Variants in PTPRO observed in about 807,000 individuals in gnomAD.
PTPRO encodes receptor-type tyrosine-protein phosphatase O.
A neutral mutation model predicts 145.2 loss-of-function variants in PTPRO; 62 were observed. The observed-to-expected ratio is 0.43, with a 90% confidence interval of 0.35 to 0.53. PTPRO has a LOEUF of 0.53. Among genes scored for constraint, PTPRO ranks in the 20% least tolerant of loss-of-function variants. The pLI is 0.01. For synonymous variants in PTPRO, 565 were observed against 514.7 expected, an observed-to-expected ratio of 1.10 and a Z score of -1.32; for missense variants, 1,345 against 1,482.7, an observed-to-expected ratio of 0.91 and a Z score of 1.53.
chr12:15,349,592 TGTTA>T (rs1937723385), intron 1 of PTPRO, among the ~76,000 whole-genome samples: 1 of 152,230 alleles, frequency 6.6e-6, no homozygotes, highest in African/African-American at 2.4e-5. Flanking sequence ...ATTTAGTCTC[TGTTA>T]GTTAGCTCTG....
At chr12:15,562,908 T>C (rs1276868101) in intron 17 of PTPRO, among the ~76,000 whole-genome samples, 1 of 152,126 alleles carries the variant, frequency 6.6e-6, no homozygotes, top group African/African-American at 2.4e-5. Context: ...AATGATATAA[T>C]ATACTAAAGT....
chr12:15,341,124 TTTC>T (rs1445177678), intron 1 of PTPRO, among the ~76,000 whole-genome samples: 4 of 152,230 alleles, frequency 2.6e-5, no homozygotes, highest in African/African-American at 7.2e-5. Flanking sequence ...TTGTTTTTCT[TTTC>T]TTTTTATTTA....
intron 7 of PTPRO, among the ~76,000 whole-genome samples, chr12:15,510,777 A>G (rs984086086): frequency 1.3e-5 from 2 of 152,134 alleles, no homozygotes; most frequent in African/African-American, 4.8e-5. Flanking sequence ...AATGTGTAGA[A>G]AAGCACCAAT....
At chr12:15,381,795 C>A (rs1435025373) in intron 1 of PTPRO, among the ~76,000 whole-genome samples, 1 of 152,054 alleles carries the variant, frequency 6.6e-6, no homozygotes, top group African/African-American at 2.4e-5. Context: ...GTGGAAAAGA[C>A]CTCTCAAGCA....
intron 1 of PTPRO, among the ~76,000 whole-genome samples, chr12:15,432,467 T>C (rs1940469516): frequency 6.6e-6 from 1 of 152,242 alleles, no homozygotes; most frequent in African/African-American, 2.4e-5. Context: ...TGAATATATA[T>C]GTGCATGTGT....
In PTPRO at chr12:15,499,472, A is replaced by G. The variant is rs763547467; in HGVS notation, c.539A>G (p.His180Arg). ...DFFKGKTVFN[H>R]WLPGMCYSNI... ...TTTAAGGGAAAAACAGTATTTAATCACTGGCTGCCAGGAATGTGTTATAGT... is the reference window on the plus strand; with the variant it reads ...TTTAAGGGAAAAACAGTATTTAATCGCTGGCTGCCAGGAATGTGTTATAGT... The change falls in exon 4 of 27, where the codon CAC becomes CGC. Residue 180 changes from histidine (H) to arginine (R), a missense_variant. Coordinates refer to ENST00000281171, the MANE Select transcript of PTPRO (RefSeq NM_030667.3). The G allele has an allele frequency of 1.9e-6, 3 of 1,613,590 alleles. No homozygotes were observed. The highest frequency in any genetic ancestry group is 1.7e-6 in the Non-Finnish European group (2 of 1,179,610).
intron 1 of PTPRO, among the ~76,000 whole-genome samples, chr12:15,430,024 G>A (rs1419424893): frequency 6.6e-6 from 1 of 151,886 alleles, no homozygotes; most frequent in Non-Finnish European, 1.5e-5. Context: ...GTTGATTTTT[G>A]GTTTGATTTA....
chr12:15,474,298 G>T (rs957229995), intron 1 of PTPRO, among the ~76,000 whole-genome samples: 1 of 152,128 alleles, frequency 6.6e-6, no homozygotes, highest in African/African-American at 2.4e-5. Context: ...CTCGTCCTGT[G>T]TTATTCTCCT....
At chr12:15,379,445 G>T (rs1036336461) in intron 1 of PTPRO, among the ~76,000 whole-genome samples, 1 of 150,202 alleles carries the variant, frequency 6.7e-6, no homozygotes, top group Non-Finnish European at 1.5e-5. Context: ...GCAGGAGAAC[G>T]GCTTGAACAC....
intron 1 of PTPRO, among the ~76,000 whole-genome samples, chr12:15,409,484 C>A (rs1265588185): frequency 2.0e-5 from 3 of 152,150 alleles, no homozygotes; most frequent in African/African-American, 7.2e-5. Flanking sequence ...ACGTATTCTT[C>A]CATCGTCTTA....
chr12:15,462,441 G>A (rs567346491), intron 1 of PTPRO, among the ~76,000 whole-genome samples: 5 of 152,192 alleles, frequency 3.3e-5, no homozygotes, highest in African/African-American at 7.2e-5. Context: ...CATCTTTTAA[G>A]TGTCATCTTC....
At chr12:15,378,773 A>G (rs1266412578) in intron 1 of PTPRO, among the ~76,000 whole-genome samples, 1 of 152,200 alleles carries the variant, frequency 6.6e-6, no homozygotes, top group Non-Finnish European at 1.5e-5. Context: ...AGAAGGGGAG[A>G]AAATATGCAC....
At chr12:15,503,551 T>A (rs1194028351) in intron 5 of PTPRO, among the ~76,000 whole-genome samples, 6 of 152,216 alleles carry the variant, frequency 3.9e-5, no homozygotes, top group Non-Finnish European at 7.4e-5. Flanking sequence ...GGTTATTTTT[T>A]AGCCCTTACC....
chr12:15,463,020 G>A (rs1941340281), intron 1 of PTPRO, among the ~76,000 whole-genome samples: 1 of 151,968 alleles, frequency 6.6e-6, no homozygotes, highest in Non-Finnish European at 1.5e-5. Context: ...TATAAATTAT[G>A]CACCAATATA....
chr12:15,489,662 C>G (rs760145905), intron 2 of PTPRO, among the ~76,000 whole-genome samples: 1 of 152,032 alleles, frequency 6.6e-6, no homozygotes, highest in African/African-American at 2.4e-5. Context: ...TGGGGTTTGG[C>G]CAGCTTCTTT....
At chr12:15,482,605 T>C (rs149318845) in intron 1 of PTPRO, among the ~76,000 whole-genome samples, 128 of 152,276 alleles carry the variant, frequency 8.4e-4, no homozygotes, top group African/African-American at 2.9e-3. Context: ...TTACACAATG[T>C]ATATATGTAT....
intron 1 of PTPRO, among the ~76,000 whole-genome samples, chr12:15,366,941 A>C (rs1444230726): frequency 6.6e-6 from 1 of 152,174 alleles, no homozygotes; most frequent in African/African-American, 2.4e-5. Context: ...ACAGGTACTC[A>C]AGGGAAAAAA....
chr12:15,578,217 A>G (rs1230644598), intron 19 of PTPRO, among the ~76,000 whole-genome samples: 1 of 152,154 alleles, frequency 6.6e-6, no homozygotes, highest in African/African-American at 2.4e-5. Flanking sequence ...ATTGCCTACA[A>G]GAAAAAAAAA....
rs751134667 is a variant in PTPRO at position 15,580,777 on chromosome 12, G to A, written c.3078G>A (p.Leu1026=). 1.9e-6 allele frequency: 3 copies of A among 1,614,006 alleles called. No homozygotes were observed. The highest frequency in any genetic ancestry group is 1.7e-5 in the Admixed American group (1 of 60,014). The change falls in exon 22 of 27, where the codon CTG becomes CTA. Residue 1026 remains leucine (L), a synonymous_variant. Coordinates refer to ENST00000281171, the MANE Select transcript of PTPRO (RefSeq NM_030667.3). ...GAAATGACTTCTGGAAGATGGTCCTGCAACAAAAGTCTCAGATTATTGTCA... is the reference window on the plus strand; with the variant it reads ...GAAATGACTTCTGGAAGATGGTCCTACAACAAAAGTCTCAGATTATTGTCA... The part of the protein sequence containing the change: ...ETRNDFWKMV[L]QQKSQIIVML...
Sources: gnomAD v4.1 joint callset for allele counts (sites outside exome capture counted in the v4.1 genomes callset) on GRCh38, gnomAD v4.1.1 for gene constraint, MANE v1.5 for transcripts, NCBI Gene and HGNC (gene_info 2026-07-23, HGNC 2026-07-21) for gene names.